The following SOX5 variants were observed in gnomAD, a reference collection of about 807,000 sequenced individuals.
SOX5 encodes the protein SRY-box transcription factor 5.
In SOX5, 9 loss-of-function variants were observed where a neutral mutation model predicts 92.0. The observed-to-expected ratio is 0.10, with a 90% CI of 0.06 to 0.17. The LOEUF (loss-of-function observed/expected upper bound fraction) is 0.17, where lower values mean the gene tolerates loss of function less well. Among genes scored for constraint, SOX5 ranks in the 10% least tolerant of loss-of-function variants. The pLI is 1.00. For missense variants in SOX5, 642 were observed against 944.5 expected (o/e 0.68, Z 4.20); for synonymous variants, 344 against 336.3 (o/e 1.02, Z -0.25).
chr12:24,284,133 A>G (rs1945547674), intron 2 of SOX5, among the ~76,000 whole-genome samples: 1 of 152,210 alleles, frequency 6.6e-6, no homozygotes, highest in African/African-American at 2.4e-5. Flanking sequence ...AGTAGCGGTT[A>G]TCTTTGGGGG....
At chr12:23,706,519 A>T (rs1016017378) in intron 6 of SOX5, among the ~76,000 whole-genome samples, 1 of 152,046 alleles carries the variant, frequency 6.6e-6, no homozygotes, top group African/African-American at 2.4e-5. Flanking sequence ...AAAGTCTAGA[A>T]CTATAGAGGG....
intron 10 of SOX5, among the ~76,000 whole-genome samples, chr12:23,571,168 T>TA (rs1050288745): frequency 2.0e-5 from 3 of 149,376 alleles, no homozygotes; most frequent in Admixed American, 1.3e-4. Flanking sequence ...ATAATAATAA[T>TA]AATAAATAAA....
At chr12:24,435,082 C>T (rs917117276) in intron 1 of SOX5, among the ~76,000 whole-genome samples, 1 of 152,198 alleles carries the variant, frequency 6.6e-6, no homozygotes, top group South Asian at 2.1e-4. Flanking sequence ...CACTTCATCT[C>T]CTTTGCCACA....
At chr12:24,074,480 C>A (rs1224992917) in intron 4 of SOX5, among the ~76,000 whole-genome samples, 1 of 151,560 alleles carries the variant, frequency 6.6e-6, no homozygotes, top group East Asian at 1.9e-4. Context: ...CATTTTAGTA[C>A]CTATTTGATT....
At chr12:23,859,904 G>A (rs1283392261) in intron 2 of SOX5, among the ~76,000 whole-genome samples, 1 of 152,110 alleles carries the variant, frequency 6.6e-6, no homozygotes, top group Non-Finnish European at 1.5e-5. Context: ...TAACCTAAAT[G>A]CCCATAAATG....
intron 9 of SOX5, among the ~76,000 whole-genome samples, chr12:23,590,164 C>T (rs1231065393): frequency 6.6e-6 from 1 of 151,744 alleles, no homozygotes; most frequent in Non-Finnish European, 1.5e-5. Flanking sequence ...CAAACATAGG[C>T]AAAAATAATT....
chr12:23,679,026 G>T lies in SOX5; in HGVS notation c.811-13462C>A, dbSNP rs78747938. Reference sequence around the variant, plus strand: ...TAAATTCTTCTAAAGTATGGATAATGATTACAACAAAACTATTAAACATTA... The same window carrying T: ...TAAATTCTTCTAAAGTATGGATAATTATTACAACAAAACTATTAAACATTA... On this transcript the variant is annotated intron_variant, in intron 6 of 14. Transcript: ENST00000451604. Among the ~76,000 whole-genome samples the T allele has an allele frequency of 3.7e-3, 557 of 152,194 alleles. 3 individuals carry two copies. Among genetic ancestry groups the T allele is most frequent in the Middle Eastern group, 6.8e-3 (2 of 294 alleles).
At chr12:24,487,080 A>T (rs1252685175) in intron 1 of SOX5, among the ~76,000 whole-genome samples, 1 of 152,190 alleles carries the variant, frequency 6.6e-6, no homozygotes, top group African/African-American at 2.4e-5. Context: ...AGAAGTTTTC[A>T]CTATTATATC....
chr12:23,685,629 C>A (rs542422338), intron 6 of SOX5, among the ~76,000 whole-genome samples: 2 of 116,536 alleles, frequency 1.7e-5, no homozygotes, highest in Admixed American at 8.2e-5. Flanking sequence ...TCCTTTTTGT[C>A]CCCCCCCCCA....
intron 1 of SOX5, among the ~76,000 whole-genome samples, chr12:24,464,047 G>A (rs370737763): frequency 1.2e-4 from 19 of 152,152 alleles, no homozygotes; most frequent in African/African-American, 4.3e-4. Flanking sequence ...CCTACTGAGC[G>A]GTCGTCTATT....
At chr12:23,726,846 A>C (rs1255319556) in intron 6 of SOX5, among the ~76,000 whole-genome samples, 1 of 152,160 alleles carries the variant, frequency 6.6e-6, no homozygotes, top group Admixed American at 6.6e-5. Context: ...ATTTGGATAA[A>C]ATGTTCCCAA....
At chr12:24,079,941 A>T (rs561543917) in intron 4 of SOX5, among the ~76,000 whole-genome samples, 22 of 152,056 alleles carry the variant, frequency 1.4e-4, no homozygotes, top group African/African-American at 5.1e-4. Flanking sequence ...TAATTATTCC[A>T]CAGGAGAACT....
intron 6 of SOX5, among the ~76,000 whole-genome samples, chr12:23,699,251 T>C (rs2090297881): frequency 6.6e-6 from 1 of 152,194 alleles, no homozygotes; most frequent in Admixed American, 6.5e-5. Flanking sequence ...CTGCCTGAGT[T>C]CTTTGTCTCA....
At chr12:24,099,118 C>T (rs1162392106) in intron 4 of SOX5, among the ~76,000 whole-genome samples, 1 of 152,166 alleles carries the variant, frequency 6.6e-6, no homozygotes, top group Non-Finnish European at 1.5e-5. Flanking sequence ...TAATTTTCCA[C>T]AATCATAACC....
At chr12:24,228,669 T>C (rs1796286712) in intron 3 of SOX5, among the ~76,000 whole-genome samples, 1 of 152,156 alleles carries the variant, frequency 6.6e-6, no homozygotes, top group Non-Finnish European at 1.5e-5. Flanking sequence ...TGCGTGTGTG[T>C]GCGTGTGTGT....
At chr12:24,403,842 T>C (rs769700235) in intron 1 of SOX5, among the ~76,000 whole-genome samples, 4 of 152,216 alleles carry the variant, frequency 2.6e-5, no homozygotes, top group Non-Finnish European at 4.4e-5. Context: ...AAAAATCTTA[T>C]CATGGACTTG....
At chr12:24,071,331 T>C (rs1180714318) in intron 4 of SOX5, among the ~76,000 whole-genome samples, 1 of 152,194 alleles carries the variant, frequency 6.6e-6, no homozygotes, top group African/African-American at 2.4e-5. Flanking sequence ...ACATGAACCA[T>C]GTAAGGCAGC....
intron 7 of SOX5, among the ~76,000 whole-genome samples, chr12:23,645,724 A>C: frequency 6.6e-6 from 1 of 152,250 alleles, no homozygotes; most frequent in South Asian, 2.1e-4. Flanking sequence ...TCCTAAATTA[A>C]TGAATGTGTA....
chr12:24,392,824 A>G (rs1276093030), intron 1 of SOX5, among the ~76,000 whole-genome samples: 1 of 152,152 alleles, frequency 6.6e-6, no homozygotes, highest in African/African-American at 2.4e-5. Context: ...AAAGGAACAC[A>G]TCTAAGACTA....
Sources: gnomAD v4.1 joint callset for allele counts (sites outside exome capture counted in the v4.1 genomes callset) on GRCh38, gnomAD v4.1.1 for gene constraint, MANE v1.5 for transcripts, NCBI Gene and HGNC (gene_info 2026-07-23, HGNC 2026-07-21) for gene names.